The following RIT2 variants were observed in gnomAD, a reference collection of about 807,000 sequenced individuals.
RIT2 encodes GTP-binding protein Rit2.
Under a neutral mutation model 23.7 loss-of-function variants are expected in RIT2, and 24 were observed. That is an observed-to-expected ratio of 1.01 (90% CI 0.73 to 1.43). RIT2 has a LOEUF of 1.43. Among genes scored for constraint, RIT2 ranks in the 40% most tolerant of loss-of-function variants. The pLI, the probability that RIT2 is intolerant of heterozygous loss-of-function variation, is 0.00. For synonymous variants in RIT2, 107 were observed against 91.1 expected (o/e 1.17, Z -0.99); for missense variants, 236 against 266.9 (o/e 0.88, Z 0.81).
chr18:43,038,296 C>T (rs1324980162), intron 1 of RIT2, among the ~76,000 whole-genome samples: 1 of 138,590 alleles, frequency 7.2e-6, no homozygotes, highest in Non-Finnish European at 1.6e-5. Context: ...ATTTCTAGAA[C>T]TTTTTATTGA....
At chr18:43,067,259 G>T (rs545844756) in intron 1 of RIT2, among the ~76,000 whole-genome samples, 84 of 152,170 alleles carry the variant, frequency 5.5e-4, no homozygotes, top group African/African-American at 2.0e-3. Flanking sequence ...CCAGCTTATT[G>T]GATATATATC....
chr18:42,894,365 G>A (rs1325102758), intron 4 of RIT2, among the ~76,000 whole-genome samples: 1 of 152,212 alleles, frequency 6.6e-6, no homozygotes, highest in Admixed American at 6.5e-5. Flanking sequence ...TCAAGCATCA[G>A]TGAAGAGAAA....
chr18:42,799,236 A>C (rs1353613370), intron 4 of RIT2, among the ~76,000 whole-genome samples: 4 of 152,224 alleles, frequency 2.6e-5, no homozygotes, highest in African/African-American at 9.6e-5. Flanking sequence ...CCTTTCATGA[A>C]GTTGCAATAT....
chr18:42,993,962 T>C (rs1158468796), intron 2 of RIT2, among the ~76,000 whole-genome samples: 3 of 151,706 alleles, frequency 2.0e-5, no homozygotes, highest in Non-Finnish European at 4.4e-5. Flanking sequence ...TCCTTACAAT[T>C]CCCCCATTTT....
At chr18:42,791,953 A>C (rs1914053333) in intron 4 of RIT2, among the ~76,000 whole-genome samples, 1 of 152,152 alleles carries the variant, frequency 6.6e-6, no homozygotes, top group African/African-American at 2.4e-5. Context: ...CATCATAAGG[A>C]TTTTGGCAGA....
At chr18:42,843,582 A>G (rs1179334628) in intron 4 of RIT2, among the ~76,000 whole-genome samples, 1 of 152,226 alleles carries the variant, frequency 6.6e-6, no homozygotes, top group Non-Finnish European at 1.5e-5. Context: ...ACCTCTCTCC[A>G]GAACTCCGGA....
intron 2 of RIT2, among the ~76,000 whole-genome samples, chr18:43,003,456 C>A (rs1911153630): frequency 3.3e-5 from 5 of 151,852 alleles, no homozygotes; most frequent in Admixed American, 3.3e-4. Context: ...TTTGTCTTAT[C>A]CCTTCAGAAG....
At chr18:42,953,536 A>G (rs1356190696) in intron 3 of RIT2, among the ~76,000 whole-genome samples, 1 of 152,162 alleles carries the variant, frequency 6.6e-6, no homozygotes, top group Non-Finnish European at 1.5e-5. Flanking sequence ...CTCATGACCT[A>G]CCGACTCTGG....
intron 1 of RIT2, among the ~76,000 whole-genome samples, chr18:43,076,161 G>A (rs1913009087): frequency 6.6e-6 from 1 of 152,128 alleles, no homozygotes; most frequent in Non-Finnish European, 1.5e-5. Flanking sequence ...TTCAGATTGT[G>A]AGAATATATT....
chr18:42,881,358 A>C (rs1907890232), intron 4 of RIT2, among the ~76,000 whole-genome samples: 1 of 152,102 alleles, frequency 6.6e-6, no homozygotes, highest in Non-Finnish European at 1.5e-5. Context: ...AATAGATTCA[A>C]ATTTTTACCC....
At chr18:42,950,911 A>T (rs1364307124) in intron 3 of RIT2, among the ~76,000 whole-genome samples, 4 of 151,794 alleles carry the variant, frequency 2.6e-5, no homozygotes, top group South Asian at 2.1e-4. Flanking sequence ...AAAAAAAAAA[A>T]AAATAACAGA....
chr18:43,039,729 C>T (rs1304636018), intron 1 of RIT2, among the ~76,000 whole-genome samples: 2 of 152,062 alleles, frequency 1.3e-5, no homozygotes, highest in Non-Finnish European at 2.9e-5. Flanking sequence ...TTTGTTGGTA[C>T]TTTGGCTCTG....
intron 3 of RIT2, among the ~76,000 whole-genome samples, chr18:42,966,445 C>A (rs1053731598): frequency 6.6e-6 from 1 of 151,986 alleles, no homozygotes; most frequent in African/African-American, 2.4e-5. Context: ...TGTATATTTT[C>A]TAATTTGGCA....
intron 4 of RIT2, among the ~76,000 whole-genome samples, chr18:42,794,295 A>G (rs1914106736): frequency 6.6e-6 from 1 of 152,160 alleles, no homozygotes; most frequent in Non-Finnish European, 1.5e-5. Context: ...TTCTTCCCTG[A>G]CTTAGTAGCA....
At chr18:43,113,914 A>G (rs1043759558) in intron 1 of RIT2, among the ~76,000 whole-genome samples, 4 of 152,062 alleles carry the variant, frequency 2.6e-5, no homozygotes, top group African/African-American at 9.7e-5. Flanking sequence ...TCTCTTCTTC[A>G]GTATTTTATT....
chr18:43,110,885 G>A (rs532474424), intron 1 of RIT2, among the ~76,000 whole-genome samples: 1 of 152,172 alleles, frequency 6.6e-6, no homozygotes, highest in South Asian at 2.1e-4. Context: ...ACAATATGAT[G>A]TTGTGGGATA....
intron 3 of RIT2, among the ~76,000 whole-genome samples, chr18:42,958,345 ACC>A (rs1910021135): frequency 6.6e-6 from 1 of 152,114 alleles, no homozygotes; most frequent in Non-Finnish European, 1.5e-5. Flanking sequence ...CAAGATATGT[ACC>A]CTTCTGGTGC....
At chr18:43,083,080 C>A (rs1913195649) in intron 1 of RIT2, among the ~76,000 whole-genome samples, 1 of 152,070 alleles carries the variant, frequency 6.6e-6, no homozygotes, top group Non-Finnish European at 1.5e-5. Context: ...TTCCTATATA[C>A]CAATAATAGA....
At chr18:42,937,258 G>C (rs1209888667) in intron 3 of RIT2, among the ~76,000 whole-genome samples, 3 of 152,114 alleles carry the variant, frequency 2.0e-5, no homozygotes. Flanking sequence ...TATTGTTACT[G>C]TCATTTTTTT....
Sources: gnomAD v4.1 joint callset for allele counts (sites outside exome capture counted in the v4.1 genomes callset) on GRCh38, gnomAD v4.1.1 for gene constraint, MANE v1.5 for transcripts, NCBI Gene and HGNC (gene_info 2026-07-23, HGNC 2026-07-21) for gene names.